Variants in OSBPL1A observed in about 807,000 individuals in gnomAD.
OSBPL1A encodes oxysterol-binding protein-related protein 1.
OSBPL1A carries 80 observed loss-of-function variants against 137.1 expected under a neutral mutation model. That is an observed-to-expected ratio of 0.58 (90% confidence interval 0.49 to 0.70). The LOEUF (loss-of-function observed/expected upper bound fraction) is 0.70. Among genes scored for constraint, OSBPL1A ranks in the 30% least tolerant of loss-of-function variants. The probability of loss-of-function intolerance (pLI) is 0.00; values close to 1 mark genes in which losing one functional copy is unlikely to be tolerated. For synonymous variants in OSBPL1A, 365 were observed against 389.7 expected, an observed-to-expected ratio of 0.94 and a Z score of 0.75; for missense variants, 970 against 1,129.4, an observed-to-expected ratio of 0.86 and a Z score of 2.02.
At chr18:24,352,239 C>G (rs554526644) in intron 4 of OSBPL1A, among the ~76,000 whole-genome samples, 1 of 152,046 alleles carries the variant, frequency 6.6e-6, no homozygotes, top group Admixed American at 6.6e-5. Flanking sequence ...GAGATTGAGG[C>G]TCCAGGGAAC....
chr18:24,195,049 A>C (rs2086986806), intron 18 of OSBPL1A, among the ~76,000 whole-genome samples: 4 of 152,342 alleles, frequency 2.6e-5, no homozygotes, highest in African/African-American at 9.6e-5. Context: ...CTGTAATCCC[A>C]ACACTTTGGA....
intron 11 of OSBPL1A, among the ~76,000 whole-genome samples, chr18:24,314,781 G>A (rs748775687): frequency 5.3e-5 from 8 of 152,056 alleles, no homozygotes; most frequent in Non-Finnish European, 1.2e-4. Flanking sequence ...GAGTAAGACG[G>A]ATCAGAAATA....
At chr18:24,178,453 GGC>G (rs1236061911) in intron 20 of OSBPL1A, among the ~76,000 whole-genome samples, 6 of 131,918 alleles carry the variant, frequency 4.5e-5, no homozygotes, top group Admixed American at 8.2e-5. Context: ...CACCACACCT[GGC>G]TAATTTTTGT....
At chr18:24,233,159 A>G (rs1350521306) in intron 16 of OSBPL1A, among the ~76,000 whole-genome samples, 1 of 152,210 alleles carries the variant, frequency 6.6e-6, no homozygotes, top group Non-Finnish European at 1.5e-5. Context: ...ACTAAAGAAA[A>G]ACCACCATGA....
intron 4 of OSBPL1A, chr18:24,347,771 G>A (rs1457027694): frequency 6.7e-6 from 1 of 149,886 alleles, no homozygotes; most frequent in Non-Finnish European, 1.5e-5. Flanking sequence ...GAACTCGGGT[G>A]GTGGAGGCTG....
chr18:24,368,697 G>A, intron 2 of OSBPL1A: 1 of 223,288 alleles, frequency 4.5e-6, no homozygotes, highest in South Asian at 9.6e-5. Flanking sequence ...CCATCATCAG[G>A]TCAAGAGGGG....
Position 24,196,011 on chromosome 18 carries a change from C to A in OSBPL1A, c.1677+114G>T, listed in dbSNP as rs113360597. ...CTTTTCACAATTTATGATTCTCGTACGTTCCCATAAACGTTGTCGTGCACC... is the reference window on the plus strand; with the variant it reads ...CTTTTCACAATTTATGATTCTCGTAAGTTCCCATAAACGTTGTCGTGCACC... On this transcript the variant is annotated intron_variant, in intron 18 of 27. Transcript: ENST00000319481. 6 of 797,606 alleles carry A rather than the reference C, an allele frequency of 7.5e-6. No homozygotes were observed. The Admixed American group carries it at 1.5e-4, about 20-fold the overall frequency. The allele number at this position is 797,606 out of a possible 1,614,324, so 49.4% of individuals were successfully genotyped here.
intron 16 of OSBPL1A, among the ~76,000 whole-genome samples, chr18:24,236,282 G>T (rs1180063795): frequency 6.6e-6 from 1 of 152,144 alleles, no homozygotes; most frequent in Admixed American, 6.5e-5. Flanking sequence ...GTCTCCTTGA[G>T]AAGTCACAAG....
intron 7 of OSBPL1A, among the ~76,000 whole-genome samples, chr18:24,323,365 C>T (rs2090902784): frequency 6.7e-6 from 1 of 150,108 alleles, no homozygotes; most frequent in Admixed American, 6.6e-5. Context: ...CCAGCCCAGC[C>T]AACATGATGA....
chr18:24,314,539 G>A (rs186982597), intron 11 of OSBPL1A, among the ~76,000 whole-genome samples, 192 bp from the exon 12 acceptor site: 212 of 152,292 alleles, frequency 1.4e-3, no homozygotes, highest in African/African-American at 4.8e-3. Flanking sequence ...ACTATGTTGA[G>A]TCTGGCTCTC....
chr18:24,386,900 T>C lies in OSBPL1A; in HGVS notation c.-2-9365A>G, dbSNP rs151062469. Among the ~76,000 whole-genome samples, 137 of 152,214 alleles carry C rather than the reference T, an allele frequency of 9.0e-4. 1 individual carries two copies. In the East Asian group the frequency reaches 0.021, roughly 23 times the overall value. On this transcript the variant is annotated intron_variant, in intron 1 of 27. Transcript: ENST00000319481. Reference sequence around the variant, plus strand: ...TAAGCCAGGGAGGTCAAAGCTACAGTGAGCCATGATTACACCATTGCACTC... The same window carrying C: ...TAAGCCAGGGAGGTCAAAGCTACAGCGAGCCATGATTACACCATTGCACTC...
At chr18:24,290,751 A>G (rs1379040185) in intron 14 of OSBPL1A, among the ~76,000 whole-genome samples, 1 of 152,222 alleles carries the variant, frequency 6.6e-6, no homozygotes, top group East Asian at 1.9e-4. Flanking sequence ...ATGAGGCTTT[A>G]CAGCTACATG....
At chr18:24,181,998 A>T (rs1814127471) in intron 18 of OSBPL1A, among the ~76,000 whole-genome samples, 1 of 152,198 alleles carries the variant, frequency 6.6e-6, no homozygotes, top group Admixed American at 6.5e-5. Context: ...TTTGTCTTGT[A>T]ACAACGGGCT....
intron 15 of OSBPL1A, among the ~76,000 whole-genome samples, chr18:24,260,595 G>A (rs757423769): frequency 5.5e-4 from 83 of 152,256 alleles, no homozygotes; most frequent in Non-Finnish European, 8.5e-4. Context: ...GTTCAAGACA[G>A]GCAAATCCAT....
intron 1 of OSBPL1A, 21 bp downstream of exon 1, chr18:24,397,634 G>C (rs1353410278): frequency 6.6e-6 from 1 of 152,272 alleles, no homozygotes; most frequent in African/African-American, 2.4e-5. Context: ...CTCCAGGCGT[G>C]GACAGCCGCG....
chr18:24,240,772 T>A (rs275859), intron 15 of OSBPL1A, among the ~76,000 whole-genome samples: 90,528 of 152,036 alleles, frequency 0.6, 27,593 homozygotes, highest in East Asian at 0.93. Flanking sequence ...ATAAAATAGA[T>A]GTTTTCGAAA....
At chr18:24,389,194 T>C (rs1599742669) in intron 1 of OSBPL1A, among the ~76,000 whole-genome samples, 1 of 152,190 alleles carries the variant, frequency 6.6e-6, no homozygotes, top group African/African-American at 2.4e-5. Flanking sequence ...GCTGCTCTTC[T>C]CACATTCACG....
chr18:24,354,379 G>A (rs2091496349), intron 4 of OSBPL1A, among the ~76,000 whole-genome samples: 1 of 152,096 alleles, frequency 6.6e-6, no homozygotes, highest in South Asian at 2.1e-4. Context: ...AACCCGCTGA[G>A]GCACACAAGG....
chr18:24,226,911 A>C (rs1343435498), intron 16 of OSBPL1A, among the ~76,000 whole-genome samples: 1 of 36,804 alleles, frequency 2.7e-5, no homozygotes, highest in African/African-American at 9.6e-5. Context: ...TTTTTTTTTG[A>C]GATGGAGTCC....
Sources: gnomAD v4.1 joint callset for allele counts (sites outside exome capture counted in the v4.1 genomes callset) on GRCh38, gnomAD v4.1.1 for gene constraint, MANE v1.5 for transcripts, NCBI Gene and HGNC (gene_info 2026-07-23, HGNC 2026-07-21) for gene names.